The following CSF2RA variants were observed in gnomAD, a reference collection of about 807,000 sequenced individuals.
The protein encoded by CSF2RA is granulocyte-macrophage colony-stimulating factor receptor subunit alpha.
CSF2RA carries 42 observed loss-of-function variants against 51.6 expected under a neutral mutation model. That is an observed-to-expected ratio of 0.81 (90% CI 0.64 to 1.05). The LOEUF is 1.05. Among genes scored for constraint, CSF2RA ranks in the 50% least tolerant of loss-of-function variants. The probability of loss-of-function intolerance (pLI) is 0.00; values close to 1 mark genes in which losing one functional copy is unlikely to be tolerated. For synonymous variants in CSF2RA, 222 were observed against 193.0 expected, an observed-to-expected ratio of 1.15 and a Z score of -1.24; for missense variants, 530 against 501.1, an observed-to-expected ratio of 1.06 and a Z score of -0.55.
intron 1 of CSF2RA, among the ~76,000 whole-genome samples, chrX:1,273,548 T>G (rs2088731544): frequency 6.6e-6 from 1 of 150,820 alleles, no homozygotes; most frequent in Non-Finnish European, 1.5e-5. Context: ...AGGCTGGTCT[T>G]GAACTCCTGA....
intron 9 of CSF2RA, among the ~76,000 whole-genome samples, chrX:1,299,705 G>T (rs187811901): frequency 1.3e-5 from 2 of 152,088 alleles, no homozygotes; most frequent in Admixed American, 6.6e-5. Flanking sequence ...ATCACTTGAG[G>T]TCAGCAGTTC....
rs769403619 is a variant in CSF2RA at position 1,290,438 on chromosome X, T to A, written c.575T>A (p.Phe192Tyr). 1 of 1,613,950 alleles carries A rather than the reference T, an allele frequency of 6.2e-7. No homozygotes were observed. Among genetic ancestry groups the A allele is most frequent in the East Asian group, 2.2e-5 (1 of 44,892 alleles). Residue 192 changes from phenylalanine (F) to tyrosine (Y), a missense_variant, in exon 7 of 13, where the codon TTT becomes TAT. Coordinates refer to ENST00000381529, the MANE Select transcript of CSF2RA (RefSeq NM_172245.4). Reference sequence around the variant, plus strand: ...TCAGGATTAACGTCTCGCAATTACTTTCTGGTTAACGGAACCAGCCGAGAA... The same window carrying A: ...TCAGGATTAACGTCTCGCAATTACTATCTGGTTAACGGAACCAGCCGAGAA... ...NLSGLTSRNY[F>Y]LVNGTSREIG...
intron 1 of CSF2RA, among the ~76,000 whole-genome samples, chrX:1,272,034 A>G (rs1190580073): frequency 1.3e-5 from 2 of 150,028 alleles, no homozygotes; most frequent in African/African-American, 2.5e-5. Flanking sequence ...GCTCACTGCA[A>G]CCTCCACCTT....
intron 8 of CSF2RA, among the ~76,000 whole-genome samples, chrX:1,294,729 C>T (rs769014365): frequency 2.0e-5 from 3 of 151,962 alleles, no homozygotes; most frequent in African/African-American, 7.2e-5. Context: ...GTGTGGGGGA[C>T]GATGCCACAA....
the CSF2RA span, among the ~76,000 whole-genome samples, chrX:1,323,158 T>TATAAAATAAAATAAA: frequency 0.011 from 1,520 of 134,006 alleles, 12 homozygotes; most frequent in Middle Eastern, 0.027. Context: ...ACATTACAAT[T>TATAAAATAAAATAAA]ATAAAATAAA....
chrX:1,314,591 C>A (rs766776882), downstream of CSF2RA, among the ~76,000 whole-genome samples: 38 of 13,108 alleles, frequency 2.9e-3, no homozygotes, highest in East Asian at 0.011. Flanking sequence ...AACCCCACTG[C>A]ACCTGCCCAA....
intron 9 of CSF2RA, among the ~76,000 whole-genome samples, chrX:1,296,405 A>T (rs375383128): frequency 4.9e-5 from 1 of 20,272 alleles, no homozygotes. Flanking sequence ...GACCCCTGGC[A>T]GAACCCTACA....
chrX:1,293,143 A>G lies in CSF2RA; in HGVS notation c.647-1185A>G, dbSNP rs186383041. Among the ~76,000 whole-genome samples the G allele has an allele frequency of 5.8e-3, 883 of 152,306 alleles. 32 individuals are homozygous for G. The highest frequency in any genetic ancestry group is 0.053 in the Admixed American group (810 of 15,286). On this transcript the variant is annotated intron_variant, in intron 7 of 12. Transcript: ENST00000381529. ...TCTCAAGGCAAAACAGTGGTTCAACATACAGATCACAATGGAGTTTCTTAC... is the reference window on the plus strand; with the variant it reads ...TCTCAAGGCAAAACAGTGGTTCAACGTACAGATCACAATGGAGTTTCTTAC...
In CSF2RA at chrX:1,303,906, C is replaced by G. The variant is rs748268409; in HGVS notation, c.947-17C>G. On this transcript the variant is annotated splice_polypyrimidine_tract_variant and intron_variant, in intron 10 of 12. Transcript: ENST00000381529. ...GTCAACGATTCACCGCAGACGCAAA[C>G]CTGTGTGTCTCTCCAGGTTCTGACG... is the stretch of plus-strand genomic sequence containing the variant. 14 of 1,602,840 alleles carry G rather than the reference C, an allele frequency of 8.7e-6. No homozygotes were observed. The highest frequency in any genetic ancestry group is 1.7e-5 in the Admixed American group (1 of 59,940).
At chrX:1,277,178 G>A (rs1433496333) in intron 2 of CSF2RA, among the ~76,000 whole-genome samples, 3 of 152,002 alleles carry the variant, frequency 2.0e-5, no homozygotes, top group Admixed American at 6.6e-5. Flanking sequence ...CTTAGAAGTC[G>A]CTCATTATAA....
chrX:1,309,375 G>C, intron 12 of CSF2RA, 27 bp from the exon 13 acceptor site: 2 of 1,610,360 alleles, frequency 1.2e-6, no homozygotes, highest in Non-Finnish European at 1.7e-6. Flanking sequence ...GTGAAGATCT[G>C]ACAGCCTGAA....
At chrX:1,316,720 A>G in the CSF2RA span, among the ~76,000 whole-genome samples, 1 of 152,090 alleles carries the variant, frequency 6.6e-6, no homozygotes, top group Non-Finnish European at 1.5e-5. Flanking sequence ...CAACAGCACC[A>G]CCACCTCCTA....
intron 2 of CSF2RA, among the ~76,000 whole-genome samples, chrX:1,280,207 C>T (rs1465439512): frequency 3.9e-5 from 6 of 152,072 alleles, no homozygotes; most frequent in African/African-American, 1.4e-4. Flanking sequence ...TGCAGTGGTT[C>T]ATGCCTGTAA....
chrX:1,312,408 C>A (rs1161587660), downstream of CSF2RA, among the ~76,000 whole-genome samples: 4 of 152,116 alleles, frequency 2.6e-5, no homozygotes, highest in African/African-American at 9.7e-5. Context: ...TATTCTGTCT[C>A]CCACGTGGAA....
chrX:1,305,411 G>A, intron 11 of CSF2RA, 35 bp from the exon 12 acceptor site: 1 of 1,612,668 alleles, frequency 6.2e-7, no homozygotes, highest in Non-Finnish European at 8.5e-7. Context: ...GTGACCCGGG[G>A]TTCATTCTCT....
intron 1 of CSF2RA, among the ~76,000 whole-genome samples, chrX:1,271,081 A>C (rs1299404799): frequency 6.6e-6 from 1 of 151,910 alleles, no homozygotes; most frequent in African/African-American, 2.4e-5. Flanking sequence ...GAAGCATCTT[A>C]AGTTACCACC....
At chrX:1,284,660 ATTT>A (rs61159606) in intron 3 of CSF2RA, among the ~76,000 whole-genome samples, 348 of 24,002 alleles carry the variant, frequency 0.014, no homozygotes, top group East Asian at 0.082. Context: ...CTAGTTTTTG[ATTT>A]TTTTTTTTTT....
At chrX:1,315,283 TGATA>T (rs1225574902), downstream of CSF2RA, among the ~76,000 whole-genome samples, 2 of 152,050 alleles carry the variant, frequency 1.3e-5, no homozygotes, top group Non-Finnish European at 2.9e-5. Flanking sequence ...GATAGATGAT[TGATA>T]GATGACAGAT....
intron 3 of CSF2RA, among the ~76,000 whole-genome samples, chrX:1,283,183 C>G (rs1259381151): frequency 6.8e-6 from 1 of 147,834 alleles, no homozygotes; most frequent in Non-Finnish European, 1.5e-5. Context: ...TCCTTCCTTC[C>G]TTCCTTCCTT....
Sources: gnomAD v4.1 joint callset for allele counts (sites outside exome capture counted in the v4.1 genomes callset) on GRCh38, gnomAD v4.1.1 for gene constraint, MANE v1.5 for transcripts, NCBI Gene and HGNC (gene_info 2026-07-23, HGNC 2026-07-21) for gene names.